FMN1: variants seen among roughly 807,000 people sequenced by gnomAD.
The protein encoded by FMN1 is formin-1.
In FMN1, 110 loss-of-function variants were observed where a neutral mutation model predicts 132.4. That is an observed-to-expected ratio of 0.83 (90% CI 0.71 to 0.97). The LOEUF (loss-of-function observed/expected upper bound fraction) is 0.97. Ranked by LOEUF, FMN1 falls within the 50% of genes least tolerant of loss-of-function variation. The pLI, the probability that FMN1 is intolerant of heterozygous loss-of-function variation, is 0.00. For synonymous variants in FMN1, 722 were observed against 651.7 expected, an observed-to-expected ratio of 1.11 and a Z score of -1.64; for missense variants, 1,792 against 1,705.3, an observed-to-expected ratio of 1.05 and a Z score of -0.90.
intron 7 of FMN1, among the ~76,000 whole-genome samples, chr15:32,971,712 C>T (rs1247922750): frequency 6.6e-6 from 1 of 152,192 alleles, no homozygotes; most frequent in Non-Finnish European, 1.5e-5. Flanking sequence ...CAATCCTCAA[C>T]TTCTTAATGA....
chr15:33,082,093 ATGTGTG>A (rs61138142), intron 5 of FMN1, among the ~76,000 whole-genome samples: 1,840 of 120,364 alleles, frequency 0.015, 18 homozygotes, highest in African/African-American at 0.033. Flanking sequence ...CTGGAAAACA[ATGTGTG>A]TGTGTGTGTG....
intron 6 of FMN1, among the ~76,000 whole-genome samples, chr15:33,047,249 G>A (rs966811850): frequency 6.6e-6 from 1 of 152,082 alleles, no homozygotes; most frequent in Non-Finnish European, 1.5e-5. Flanking sequence ...TACCTTTGAA[G>A]ATTCTAGATT....
rs150970301 is a variant in FMN1 at position 33,081,810 on chromosome 15, A to C, written c.2043+6989T>G. ...TGGCCTTTAGGAAGTGATCGGTAAG[A>C]CATGGAGGTTCTTATTACCGTTTAG... On this transcript the variant is annotated intron_variant, in intron 5 of 20. Coordinates refer to ENST00000616417, the MANE Select transcript of FMN1 (RefSeq NM_001277313.2). Among the ~76,000 whole-genome samples the C allele has an allele frequency of 2.9e-3, 440 of 152,274 alleles. 2 individuals are homozygous for C. Among genetic ancestry groups the C allele is most frequent in the African/African-American group, 0.01 (421 of 41,554 alleles).
chr15:33,083,204 GC>G (rs1451112903), intron 5 of FMN1, among the ~76,000 whole-genome samples: 1 of 152,134 alleles, frequency 6.6e-6, no homozygotes, highest in Non-Finnish European at 1.5e-5. Context: ...AGTGATAAGA[GC>G]CATAGAAGTA....
At chr15:32,782,792 T>C (rs2056706049) in intron 19 of FMN1, among the ~76,000 whole-genome samples, 3 of 152,152 alleles carry the variant, frequency 2.0e-5, no homozygotes, top group African/African-American at 4.8e-5. Context: ...AAAATGTGGA[T>C]CACATACACC....
At chr15:32,967,756 G>A (rs1220275972) in intron 8 of FMN1, among the ~76,000 whole-genome samples, 1 of 152,132 alleles carries the variant, frequency 6.6e-6, no homozygotes, top group Non-Finnish European at 1.5e-5. Context: ...GGGATTTCTG[G>A]TTGTTTTATC....
At chr15:33,126,914 TTCATCTTGATTAAACGTAAGGTGAC>T (rs1456699126) in intron 4 of FMN1, among the ~76,000 whole-genome samples, 1 of 152,222 alleles carries the variant, frequency 6.6e-6, no homozygotes, top group Admixed American at 6.5e-5. Flanking sequence ...GGATAAACGT[TTCATCTTGATTAAACGTAAGGTGAC>T]TCCTGACAAA....
intron 5 of FMN1, among the ~76,000 whole-genome samples, chr15:33,082,462 T>G (rs2038520538): frequency 6.6e-6 from 1 of 152,144 alleles, no homozygotes; most frequent in Admixed American, 6.5e-5. Context: ...CCATACCTCT[T>G]TTTAGGGTCT....
chr15:32,970,244 G>A (rs1008746349), intron 7 of FMN1, among the ~76,000 whole-genome samples: 1 of 152,094 alleles, frequency 6.6e-6, no homozygotes, highest in Non-Finnish European at 1.5e-5. Context: ...TAGTGTACTC[G>A]CAGTCATTAA....
chr15:32,948,870 C>A (rs2061564680), intron 9 of FMN1, among the ~76,000 whole-genome samples: 1 of 151,798 alleles, frequency 6.6e-6, no homozygotes, highest in Non-Finnish European at 1.5e-5. Context: ...TTAGGTTAAA[C>A]CACAGAAAAT....
At chr15:32,843,699 C>A (rs1002790897) in intron 17 of FMN1, among the ~76,000 whole-genome samples, 2 of 152,092 alleles carry the variant, frequency 1.3e-5, no homozygotes, top group African/African-American at 4.8e-5. Flanking sequence ...TTGGTTATTT[C>A]AATGAATAAT....
At chr15:32,805,917 T>C (rs1046312592) in intron 17 of FMN1, among the ~76,000 whole-genome samples, 7 of 152,216 alleles carry the variant, frequency 4.6e-5, no homozygotes, top group African/African-American at 1.2e-4. Context: ...GATACAATTC[T>C]GAATCCACAG....
At chr15:33,002,227 AG>A (rs1420283259) in intron 7 of FMN1, among the ~76,000 whole-genome samples, 2 of 152,234 alleles carry the variant, frequency 1.3e-5, no homozygotes, top group African/African-American at 4.8e-5. Context: ...TATTCTAGAA[AG>A]GCATGTTGAA....
chr15:32,995,107 T>C (rs2033685897), intron 7 of FMN1, among the ~76,000 whole-genome samples: 1 of 152,082 alleles, frequency 6.6e-6, no homozygotes, highest in Non-Finnish European at 1.5e-5. Context: ...AGCATATATA[T>C]ATATATGTAT....
intron 5 of FMN1, chr15:33,067,837 T>C (rs1026890659): frequency 6.2e-7 from 1 of 1,613,774 alleles, no homozygotes; most frequent in Non-Finnish European, 8.5e-7. Flanking sequence ...CTGGTTTTGC[T>C]GGTTCTGACA....
At chr15:32,864,534 T>C (rs1427889411) in intron 16 of FMN1, among the ~76,000 whole-genome samples, 1 of 152,164 alleles carries the variant, frequency 6.6e-6, no homozygotes, top group African/African-American at 2.4e-5. Flanking sequence ...TCACCTGACA[T>C]CATATGCAAA....
chr15:33,173,576 G>A (rs1004635408), intron 3 of FMN1, among the ~76,000 whole-genome samples: 1 of 152,230 alleles, frequency 6.6e-6, no homozygotes, highest in Admixed American at 6.5e-5. Context: ...AGAACAAGAT[G>A]CTGTGAGGAG....
At chr15:32,947,959 C>A (rs1476856890) in intron 9 of FMN1, among the ~76,000 whole-genome samples, 2 of 151,858 alleles carry the variant, frequency 1.3e-5, no homozygotes, top group African/African-American at 4.8e-5. Context: ...TGCCTTATTA[C>A]ACTTGCTTAG....
intron 6 of FMN1, among the ~76,000 whole-genome samples, chr15:33,011,507 G>A (rs1280414124): frequency 6.6e-6 from 1 of 151,324 alleles, no homozygotes; most frequent in African/African-American, 2.4e-5. Context: ...GTATTTTACA[G>A]CCTCAGGATA....
Sources: gnomAD v4.1 joint callset for allele counts (sites outside exome capture counted in the v4.1 genomes callset) on GRCh38, gnomAD v4.1.1 for gene constraint, MANE v1.5 for transcripts, NCBI Gene and HGNC (gene_info 2026-07-23, HGNC 2026-07-21) for gene names.